The following LGR6 variants were observed in gnomAD, a reference collection of about 807,000 sequenced individuals.
The protein encoded by LGR6 is leucine-rich repeat-containing G protein-coupled receptor 6.
LGR6 carries 45 observed loss-of-function variants against 69.4 expected under a neutral mutation model. The observed-to-expected ratio is 0.65, with a 90% CI of 0.51 to 0.83. LGR6 has a LOEUF of 0.83. Among genes scored for constraint, LGR6 ranks in the 40% least tolerant of loss-of-function variants. The pLI is 0.00. For missense variants in LGR6, 1,108 were observed against 1,246.7 expected (o/e 0.89, Z 1.68); for synonymous variants, 538 against 555.0 (o/e 0.97, Z 0.43).
intron 4 of LGR6, among the ~76,000 whole-genome samples, chr1:202,265,379 G>A (rs890633499): frequency 6.6e-6 from 1 of 152,202 alleles, no homozygotes; most frequent in Non-Finnish European, 1.5e-5. Context: ...GGTTCCAGAT[G>A]GGGAGAGGCA....
At chr1:202,233,315 A>G (rs1226097883) in intron 3 of LGR6, among the ~76,000 whole-genome samples, 1 of 151,912 alleles carries the variant, frequency 6.6e-6, no homozygotes, top group Non-Finnish European at 1.5e-5. Flanking sequence ...GGAGCTCGGG[A>G]CTCACTTGTG....
chr1:202,206,156 T>G (rs1659223607), intron 1 of LGR6, among the ~76,000 whole-genome samples: 2 of 152,232 alleles, frequency 1.3e-5, no homozygotes, highest in South Asian at 4.1e-4. Context: ...CCAGGAATTG[T>G]GAGAGTTGAG....
At chr1:202,248,895 C>A (rs1238018894) in intron 4 of LGR6, among the ~76,000 whole-genome samples, 1 of 152,168 alleles carries the variant, frequency 6.6e-6, no homozygotes, top group Non-Finnish European at 1.5e-5. Context: ...AGAGGACCAT[C>A]AGCACAGGTG....
chr1:202,205,150 C>A (rs1203435752), intron 1 of LGR6, among the ~76,000 whole-genome samples: 3 of 23,126 alleles, frequency 1.3e-4, no homozygotes, highest in African/African-American at 2.7e-4. Flanking sequence ...ACACACACCT[C>A]CACACACACC....
chr1:202,275,771 A>G (rs1291254958), intron 4 of LGR6, among the ~76,000 whole-genome samples: 2 of 152,162 alleles, frequency 1.3e-5, no homozygotes, highest in Non-Finnish European at 2.9e-5. Flanking sequence ...CCCTCTGCCA[A>G]TGCTGAGAAC....
rs1024557650 is a variant in LGR6 at position 202,205,776 on chromosome 1, CACAT to C, written c.212+11578_212+11581del. Among the ~76,000 whole-genome samples the C allele has an allele frequency of 7.4e-5, 11 of 148,862 alleles. No homozygotes were observed. In the East Asian group the frequency reaches 1.8e-3, roughly 25 times the overall value. On this transcript the variant is annotated intron_variant, in intron 1 of 17. Transcript: ENST00000367278. Reference sequence around the variant, plus strand: ...TCAAATACACACACACACCTCCAAACACATACGCACACCTCCTTCAAACATACAC... The same window carrying C: ...TCAAATACACACACACACCTCCAAACACGCACACCTCCTTCAAACATACAC...
chr1:202,299,750 C>T (rs74597897), intron 7 of LGR6, among the ~76,000 whole-genome samples: 5 of 151,942 alleles, frequency 3.3e-5, no homozygotes, highest in Non-Finnish European at 7.4e-5. Flanking sequence ...GTGGAAGTCA[C>T]GATGGGGATG....
rs546507934 is a variant in LGR6 at position 202,262,013 on chromosome 1, A to T, written c.429-14293A>T. On this transcript the variant is annotated intron_variant, in intron 4 of 17. Transcript: ENST00000367278. The stretch of plus-strand genomic sequence containing the variant: ...TTTGTCAGGTGAGTAGGTTGCGAAA[A>T]TTTTCTCCCATTATGTAGGTTGCCT... 3.3e-5 allele frequency among the ~76,000 whole-genome samples: 5 copies of T among 151,926 alleles called. No homozygotes were observed. The South Asian group carries it at 1.0e-3, about 32-fold the overall frequency.
chr1:202,247,975 G>A (rs928091368), intron 4 of LGR6, among the ~76,000 whole-genome samples: 2 of 152,186 alleles, frequency 1.3e-5, no homozygotes, highest in Non-Finnish European at 2.9e-5. Context: ...GAGAAGAAGG[G>A]TCGGGGGCTG....
intron 15 of LGR6, among the ~76,000 whole-genome samples, chr1:202,309,519 G>C (rs1653543681): frequency 6.6e-6 from 1 of 152,270 alleles, no homozygotes; most frequent in Non-Finnish European, 1.5e-5. Context: ...CACTTGGGCA[G>C]CATCTGAGCC....
At chr1:202,218,384 A>T (rs1162363641) in intron 1 of LGR6, among the ~76,000 whole-genome samples, 1 of 152,152 alleles carries the variant, frequency 6.6e-6, no homozygotes, top group African/African-American at 2.4e-5. Flanking sequence ...CTGCAGCTTC[A>T]AACTCCCAAG....
At chr1:202,312,292 G>A (rs1052976364) in intron 16 of LGR6, among the ~76,000 whole-genome samples, 3 of 152,264 alleles carry the variant, frequency 2.0e-5, no homozygotes, top group East Asian at 1.9e-4. Flanking sequence ...CTCAGACAGA[G>A]TCCACGGGTT....
intron 4 of LGR6, among the ~76,000 whole-genome samples, chr1:202,262,572 G>A (rs1031074877): frequency 6.6e-6 from 1 of 152,102 alleles, no homozygotes; most frequent in Admixed American, 6.5e-5. Flanking sequence ...GGCAATGCGG[G>A]CTCTTTTTTG....
intron 4 of LGR6, among the ~76,000 whole-genome samples, chr1:202,247,106 T>A (rs1662773291): frequency 6.6e-6 from 1 of 152,180 alleles, no homozygotes; most frequent in South Asian, 2.1e-4. Context: ...TCAGACTTAG[T>A]GAACTGGAAT....
At position 202,238,530 on chromosome 1, in the gene LGR6, T is replaced by C. The variant is rs138119826; in HGVS notation, c.428+2537T>C. 8.2e-3 allele frequency among the ~76,000 whole-genome samples: 1,238 copies of C among 150,728 alleles called. 19 individuals carry two copies. The highest frequency in any genetic ancestry group is 0.029 in the African/African-American group (1,186 of 40,952). ...CCTCCGCCTCCTGGGTTCAAGAGAT[T>C]CTCCTGCCTCAGCCTCCCAAGTAGC... On this transcript the variant is annotated intron_variant, in intron 4 of 17. Coordinates refer to ENST00000367278, the MANE Select transcript of LGR6 (RefSeq NM_001017403.2).
chr1:202,206,249 G>A (rs1391324709), intron 1 of LGR6, among the ~76,000 whole-genome samples: 6 of 152,208 alleles, frequency 3.9e-5, no homozygotes, highest in African/African-American at 1.4e-4. Flanking sequence ...AGAAAGGAAG[G>A]GAACCATTGT....
At chr1:202,309,317 C>T in intron 15 of LGR6, 141 bp downstream of exon 15, 1 of 949,518 alleles carries the variant, frequency 1.1e-6, no homozygotes, top group Non-Finnish European at 1.5e-6. Flanking sequence ...GCTCACCTGA[C>T]CACCTACAGA....
rs775637496 is a variant in LGR6 at position 202,276,307 on chromosome 1, C to A, written c.430C>A (p.Arg144Ser). The A allele has an allele frequency of 5.6e-6, 9 of 1,612,570 alleles. No individual in the cohort carries two copies. Among genetic ancestry groups the A allele is most frequent in the South Asian group, 1.1e-5 (1 of 90,924 alleles). ...CCTCTCCATCCTCTCTTCCACCAGGCGCCTAGATGCCAACCTCATCTCCCT... is the reference window on the plus strand; with the variant it reads ...CCTCTCCATCCTCTCTTCCACCAGGAGCCTAGATGCCAACCTCATCTCCCT... The part of the protein sequence containing the change: ...LWELPSLQSL[R>S]LDANLISLVP... The change falls in exon 5 of 18, where the codon CGC becomes AGC. Residue 144 changes from arginine to serine, a missense_variant and splice_region_variant. Transcript: ENST00000367278.
At chr1:202,236,828 G>A (rs1042909613) in intron 4 of LGR6, among the ~76,000 whole-genome samples, 2 of 152,158 alleles carry the variant, frequency 1.3e-5, no homozygotes, top group African/African-American at 4.8e-5. Context: ...GGCATGCAGT[G>A]TGTCCGAACA....
Sources: gnomAD v4.1 joint callset for allele counts (sites outside exome capture counted in the v4.1 genomes callset) on GRCh38, gnomAD v4.1.1 for gene constraint, MANE v1.5 for transcripts, NCBI Gene and HGNC (gene_info 2026-07-23, HGNC 2026-07-21) for gene names.